SUMF1: variants seen among roughly 807,000 people sequenced by gnomAD.
The protein encoded by SUMF1 is sulfatase modifying factor 1.
A neutral mutation model predicts 47.6 loss-of-function variants in SUMF1; 48 were observed. The observed-to-expected ratio is 1.01, with a 90% CI of 0.80 to 1.28. The LOEUF (loss-of-function observed/expected upper bound fraction) is 1.28, where lower values mean the gene tolerates loss of function less well. Among genes scored for constraint, SUMF1 ranks in the 50% most tolerant of loss-of-function variants. SUMF1 has a pLI of 0.00. For missense variants in SUMF1, 571 were observed against 485.4 expected, an observed-to-expected ratio of 1.18 and a Z score of -1.66; for synonymous variants, 230 against 192.1, an observed-to-expected ratio of 1.20 and a Z score of -1.63.
At chr3:4,106,980 C>T (rs1243334910) in intron 8 of SUMF1, among the ~76,000 whole-genome samples, 1 of 152,058 alleles carries the variant, frequency 6.6e-6, no homozygotes. Context: ...TCAGATATTT[C>T]TCCAACCCGT....
intron 8 of SUMF1, among the ~76,000 whole-genome samples, chr3:4,282,706 T>G (rs891093368): frequency 6.6e-6 from 1 of 152,222 alleles, no homozygotes; most frequent in African/African-American, 2.4e-5. Flanking sequence ...AAAGAAAATC[T>G]TATTTTGAAA....
intron 8 of SUMF1, among the ~76,000 whole-genome samples, chr3:4,146,497 G>C (rs1694196134): frequency 6.6e-6 from 1 of 151,922 alleles, no homozygotes; most frequent in Non-Finnish European, 1.5e-5. Context: ...AGAACAAAAA[G>C]TCGGTAGTTA....
chr3:4,297,493 G>A (rs548426287), intron 8 of SUMF1, among the ~76,000 whole-genome samples: 13 of 151,482 alleles, frequency 8.6e-5, no homozygotes, highest in Admixed American at 8.6e-4. Context: ...CTGAAGCCTT[G>A]GATTGCTGGG....
At chr3:4,098,983 T>A (rs1692968781) in intron 8 of SUMF1, among the ~76,000 whole-genome samples, 1 of 152,100 alleles carries the variant, frequency 6.6e-6, no homozygotes, top group Admixed American at 6.5e-5. Context: ...GAAAATAGAT[T>A]TTCTTACCCA....
At chr3:4,321,188 T>C (rs1410756791) in intron 8 of SUMF1, among the ~76,000 whole-genome samples, 1 of 152,076 alleles carries the variant, frequency 6.6e-6, no homozygotes, top group Non-Finnish European at 1.5e-5. Flanking sequence ...TAGCTTAGTA[T>C]AGATACAGAA....
intron 8 of SUMF1, among the ~76,000 whole-genome samples, chr3:4,093,575 T>C (rs1036742959): frequency 7.2e-5 from 11 of 152,070 alleles, no homozygotes; most frequent in Admixed American, 4.6e-4. Flanking sequence ...AAAAGTTTTC[T>C]AGATAGAATA....
At chr3:4,362,558 G>A (rs1699801884) in intron 8 of SUMF1, among the ~76,000 whole-genome samples, 1 of 152,098 alleles carries the variant, frequency 6.6e-6, no homozygotes, top group African/African-American at 2.4e-5. Flanking sequence ...CCATATAATA[G>A]AAAAGTAAGC....
intron 8 of SUMF1, among the ~76,000 whole-genome samples, chr3:4,150,481 G>C (rs1694293722): frequency 6.6e-6 from 1 of 151,082 alleles, no homozygotes; most frequent in Non-Finnish European, 1.5e-5. Flanking sequence ...ATAATTGCTT[G>C]AACCGGGGAG....
rs775505041 is a variant in SUMF1, at chr3:4,417,167, C to G, written c.801G>C (p.Val267=). Residue 267 remains valine, a synonymous_variant, in exon 6 of 9, where the codon GTG becomes GTC. Coordinates refer to ENST00000272902, the MANE Select transcript of SUMF1 (RefSeq NM_182760.4). ...YANIWQGEFP[V]TNTGEDGFQG... Reference sequence around the variant, plus strand: ...GGAAGCCATCCTCACCAGTGTTGGTCACCGGAAACTCGCCCTGCCAAATGT... The same window carrying G: ...GGAAGCCATCCTCACCAGTGTTGGTGACCGGAAACTCGCCCTGCCAAATGT... 5 of 1,613,986 alleles carry G rather than the reference C, an allele frequency of 3.1e-6. No individual in the cohort carries two copies. The highest frequency in any genetic ancestry group is 4.2e-6 in the Non-Finnish European group (5 of 1,179,936).
At chr3:4,233,010 G>A (rs1220943212) in intron 8 of SUMF1, among the ~76,000 whole-genome samples, 1 of 152,098 alleles carries the variant, frequency 6.6e-6, no homozygotes, top group East Asian at 1.9e-4. Flanking sequence ...ATGTGCAGCT[G>A]CAGTTAACAA....
intron 9 of SUMF1, among the ~76,000 whole-genome samples, chr3:4,050,277 G>C (rs2125022577): frequency 6.6e-6 from 1 of 151,716 alleles, no homozygotes; most frequent in South Asian, 2.1e-4. Flanking sequence ...GATCCATTTA[G>C]AACCTGACCT....
intron 8 of SUMF1, among the ~76,000 whole-genome samples, chr3:4,296,502 G>A (rs1472758605): frequency 2.6e-5 from 4 of 152,144 alleles, no homozygotes; most frequent in Non-Finnish European, 5.9e-5. Flanking sequence ...CAATCATGGT[G>A]GAAGGTGAAG....
rs150276207 is a variant in SUMF1 at position 4,406,743 on chromosome 3, C to T, written c.954+4122G>A. On this transcript the variant is annotated intron_variant, in intron 7 of 8. Coordinates refer to ENST00000272902, the MANE Select transcript of SUMF1 (RefSeq NM_182760.4). ...CACCTAAATGCAATTGTGTCCCTCA[C>T]AGAGAGGGAAAGATATCACAGATCA... Among the ~76,000 whole-genome samples, 381 of 152,248 alleles carry T rather than the reference C, an allele frequency of 2.5e-3. 1 individual carries two copies. The highest frequency in any genetic ancestry group is 8.6e-3 in the African/African-American group (357 of 41,542).
chr3:4,198,972 C>T (rs146635980), intron 8 of SUMF1, among the ~76,000 whole-genome samples: 1 of 152,268 alleles, frequency 6.6e-6, no homozygotes, highest in Admixed American at 6.5e-5. Flanking sequence ...TCCTCTTCCA[C>T]TATTTTTTCT....
chr3:4,280,926 C>G (rs1436670370), intron 8 of SUMF1, among the ~76,000 whole-genome samples: 1 of 150,788 alleles, frequency 6.6e-6, no homozygotes, highest in East Asian at 2.0e-4. Flanking sequence ...GGATTAGGGC[C>G]CATCCTAATA....
At chr3:4,456,859 T>TAC (rs2079646166) in intron 1 of SUMF1, among the ~76,000 whole-genome samples, 5 of 145,190 alleles carry the variant, frequency 3.4e-5, no homozygotes, top group Admixed American at 7.0e-5. Flanking sequence ...TGTGTATATA[T>TAC]ATGTGTGTGT....
chr3:4,167,262 G>C (rs764317618), intron 8 of SUMF1, among the ~76,000 whole-genome samples: 11 of 151,872 alleles, frequency 7.2e-5, no homozygotes, highest in Non-Finnish European at 1.2e-4. Flanking sequence ...GGGGACCCAG[G>C]TGGGTTGCTG....
At chr3:4,215,595 A>G (rs1395717552) in intron 8 of SUMF1, among the ~76,000 whole-genome samples, 3 of 152,216 alleles carry the variant, frequency 2.0e-5, no homozygotes, top group Admixed American at 6.5e-5. Context: ...GAAGACAGGA[A>G]GTCAAATCGT....
chr3:4,324,309 C>A (rs57312246), intron 8 of SUMF1, among the ~76,000 whole-genome samples: 5,520 of 152,062 alleles, frequency 0.036, 317 homozygotes, highest in African/African-American at 0.12. Context: ...ATGTGAAAAT[C>A]TTTTTTATAA....
Sources: gnomAD v4.1 joint callset for allele counts (sites outside exome capture counted in the v4.1 genomes callset) on GRCh38, gnomAD v4.1.1 for gene constraint, MANE v1.5 for transcripts, NCBI Gene and HGNC (gene_info 2026-07-23, HGNC 2026-07-21) for gene names.